PACRG: variants seen among roughly 807,000 people sequenced by gnomAD.
PACRG encodes parkin coregulated gene protein.
Under a neutral mutation model 29.7 loss-of-function variants are expected in PACRG, and 29 were observed. The ratio of observed to expected loss-of-function variants is 0.98; its 90% CI spans 0.73 to 1.33. PACRG has a LOEUF of 1.33. PACRG is among the 40% of genes most tolerant of loss of function. The pLI is 0.00. For synonymous variants in PACRG, 116 were observed against 118.7 expected, an observed-to-expected ratio of 0.98 and a Z score of 0.15; for missense variants, 279 against 316.2, an observed-to-expected ratio of 0.88 and a Z score of 0.89.
At chr6:162,967,059 CT>C (rs1166661384) in intron 2 of PACRG, among the ~76,000 whole-genome samples, 4 of 151,884 alleles carry the variant, frequency 2.6e-5, no homozygotes, top group Non-Finnish European at 4.4e-5. Context: ...TTATGGTTTC[CT>C]TTTCCCCCTT....
chr6:163,275,787 A>G (rs571215252), intron 4 of PACRG, among the ~76,000 whole-genome samples: 1 of 152,220 alleles, frequency 6.6e-6, no homozygotes, highest in Non-Finnish European at 1.5e-5. Flanking sequence ...TTTTCCAACT[A>G]AGCTCTCAAG....
At chr6:163,035,070 T>A (rs1279977658) in intron 2 of PACRG, among the ~76,000 whole-genome samples, 2 of 152,048 alleles carry the variant, frequency 1.3e-5, no homozygotes, top group Non-Finnish European at 2.9e-5. Flanking sequence ...CTGGTGGGAG[T>A]GTAGCAGTGA....
At position 163,252,429 on chromosome 6, in the gene PACRG, G is replaced by A. The variant is rs1782945410; in HGVS notation, c.614-62398G>A. ...CACGGGTGATTCTGGGATGGTAACT[G>A]CTAGGAAGAGAATCCAGTCCAGGCA... On this transcript the variant is annotated intron_variant, in intron 4 of 4. Coordinates refer to ENST00000366888, the MANE Select transcript of PACRG (RefSeq NM_001080379.2). Among the ~76,000 whole-genome samples the A allele has an allele frequency of 5.3e-5, 8 of 152,346 alleles. No individual in the cohort carries two copies. The South Asian group carries it at 1.7e-3, about 32-fold the overall frequency.
chr6:163,149,194 C>A (rs992435401), intron 4 of PACRG, among the ~76,000 whole-genome samples: 4 of 152,194 alleles, frequency 2.6e-5, no homozygotes, highest in Admixed American at 6.5e-5. Context: ...CAGTCCAGGC[C>A]GGTCGGGTGT....
In PACRG at chr6:163,089,419, CCACG is replaced by C; in HGVS notation, c.613+12_613+15del. The C allele has an allele frequency of 1.2e-6, 2 of 1,610,494 alleles. No individual in the cohort carries two copies. Among genetic ancestry groups the C allele is most frequent in the Non-Finnish European group, 1.7e-6 (2 of 1,178,076 alleles). On this transcript the variant is annotated intron_variant, in intron 4 of 4. Coordinates refer to ENST00000366888, the MANE Select transcript of PACRG (RefSeq NM_001080379.2). ...TTAAGAATATGAATGGTGAGTGAGC[CCACG>C]AGTCAAAATGTCTTTTAAGCCAAAG...
chr6:163,307,945 A>C (rs1161278005), intron 4 of PACRG, among the ~76,000 whole-genome samples: 4 of 152,194 alleles, frequency 2.6e-5, no homozygotes, highest in Non-Finnish European at 5.9e-5. Flanking sequence ...TTTCCCTATA[A>C]TTATCTAAAC....
At chr6:163,031,132 A>G (rs1807622854) in intron 2 of PACRG, among the ~76,000 whole-genome samples, 1 of 152,244 alleles carries the variant, frequency 6.6e-6, no homozygotes, top group Admixed American at 6.5e-5. Context: ...ATAAGAGGTG[A>G]TATCTGGAAG....
chr6:163,215,531 A>G lies in PACRG; in HGVS notation c.614-99296A>G, dbSNP rs150789008. Reference sequence around the variant, plus strand: ...AGAGGATGTTTTAGGGAAATATGATAATTTTATTTCTAGTTCTGTTGCATT... The same window carrying G: ...AGAGGATGTTTTAGGGAAATATGATGATTTTATTTCTAGTTCTGTTGCATT... On this transcript the variant is annotated intron_variant, in intron 4 of 4. Coordinates refer to ENST00000366888, the MANE Select transcript of PACRG (RefSeq NM_001080379.2). Among the ~76,000 whole-genome samples, 973 of 152,338 alleles carry G rather than the reference A, an allele frequency of 6.4e-3. 2 individuals are homozygous for G. The highest frequency in any genetic ancestry group is 0.011 in the Non-Finnish European group (753 of 68,020).
chr6:163,102,711 G>T (rs1042506410), intron 4 of PACRG, among the ~76,000 whole-genome samples: 1 of 141,258 alleles, frequency 7.1e-6, no homozygotes, highest in African/African-American at 3.2e-5. Flanking sequence ...CTACCAACTA[G>T]ATTTGCGAGT....
intron 4 of PACRG, chr6:163,190,880 C>T (rs80309184): frequency 0.033 from 14,714 of 451,676 alleles, 1,566 homozygotes; most frequent in African/African-American, 0.25. Flanking sequence ...CTGATGATGT[C>T]CTGACAAACA....
chr6:162,970,347 G>T (rs1801421900), intron 2 of PACRG, among the ~76,000 whole-genome samples: 1 of 152,156 alleles, frequency 6.6e-6, no homozygotes, highest in African/African-American at 2.4e-5. Flanking sequence ...CGATTTCGGA[G>T]CTGCTGTGGG....
intron 1 of PACRG, among the ~76,000 whole-genome samples, chr6:162,807,858 T>G (rs956598999): frequency 3.3e-5 from 5 of 152,126 alleles, no homozygotes; most frequent in Non-Finnish European, 7.4e-5. Context: ...TAAACCAAAG[T>G]GCAATAAAAT....
intron 3 of PACRG, among the ~76,000 whole-genome samples, chr6:163,063,391 G>T (rs1585125492): frequency 6.6e-6 from 1 of 152,198 alleles, no homozygotes; most frequent in East Asian, 1.9e-4. Context: ...TGATTGACAG[G>T]ACGCTTAGCT....
intron 4 of PACRG, among the ~76,000 whole-genome samples, chr6:163,148,494 G>T (rs1197148144): frequency 6.6e-6 from 1 of 152,140 alleles, no homozygotes; most frequent in African/African-American, 2.4e-5. Context: ...AGAGCTGCAT[G>T]GAAGCCCACC....
intron 2 of PACRG, among the ~76,000 whole-genome samples, chr6:162,958,399 A>G (rs569916606): frequency 3.6e-4 from 55 of 152,230 alleles, no homozygotes; most frequent in Admixed American, 1.2e-3. Flanking sequence ...ACAATGGCTC[A>G]TATACAATTC....
At chr6:163,188,145 C>G (rs921263382) in intron 4 of PACRG, among the ~76,000 whole-genome samples, 13 of 152,166 alleles carry the variant, frequency 8.5e-5, no homozygotes, top group African/African-American at 4.8e-5. Context: ...AATAGAGTCC[C>G]CACACACAGG....
intron 2 of PACRG, among the ~76,000 whole-genome samples, chr6:162,998,100 C>A (rs1804245681): frequency 6.6e-6 from 1 of 152,190 alleles, no homozygotes; most frequent in South Asian, 2.1e-4. Context: ...ATATATGGAG[C>A]ACATGGAACT....
chr6:163,010,257 G>A (rs1246302730), intron 2 of PACRG, among the ~76,000 whole-genome samples: 2 of 152,164 alleles, frequency 1.3e-5, no homozygotes, highest in Non-Finnish European at 2.9e-5. Context: ...AAAGCAAAAC[G>A]CTAGATTCTG....
At chr6:163,309,824 T>A (rs1348314281) in intron 4 of PACRG, among the ~76,000 whole-genome samples, 2 of 152,160 alleles carry the variant, frequency 1.3e-5, no homozygotes, top group Non-Finnish European at 2.9e-5. Flanking sequence ...GAGAGTGCGA[T>A]GCTGCCGCTT....
Sources: allele counts gnomAD v4.1 joint callset (sites outside exome capture counted in the v4.1 genomes callset), GRCh38; gene constraint gnomAD v4.1.1; transcripts MANE v1.5; gene names NCBI Gene and HGNC (gene_info 2026-07-23, HGNC 2026-07-21).